DTD1: variants seen among roughly 807,000 people sequenced by gnomAD.
DTD1 encodes the protein D-tyrosyl-tRNA deacylase 1 homolog.
A neutral mutation model predicts 25.6 loss-of-function variants in DTD1; 13 were observed. That is an observed-to-expected ratio of 0.51 (90% CI 0.33 to 0.81). The LOEUF (loss-of-function observed/expected upper bound fraction) is 0.81. DTD1 is among the 30% of genes least tolerant of loss of function. The pLI is 0.02. For synonymous variants in DTD1, 110 were observed against 103.6 expected, an observed-to-expected ratio of 1.06 and a Z score of -0.37; for missense variants, 193 against 266.4, an observed-to-expected ratio of 0.72 and a Z score of 1.92.
At chr20:18,590,866 G>A (rs1482414955) in intron 1 of DTD1, among the ~76,000 whole-genome samples, 1 of 152,186 alleles carries the variant, frequency 6.6e-6, no homozygotes, top group Non-Finnish European at 1.5e-5. Flanking sequence ...TTAACAGACG[G>A]AATAGGGCAA....
chr20:18,677,121 T>G (rs980027811), intron 4 of DTD1, among the ~76,000 whole-genome samples: 1 of 152,222 alleles, frequency 6.6e-6, no homozygotes, highest in Non-Finnish European at 1.5e-5. Flanking sequence ...AAATATTTTC[T>G]TATTTGACGC....
chr20:18,682,704 C>G, intron 4 of DTD1, among the ~76,000 whole-genome samples: 1 of 152,194 alleles, frequency 6.6e-6, no homozygotes, highest in East Asian at 1.9e-4. Flanking sequence ...GCTCCCTTGT[C>G]TATTTATTTT....
intron 4 of DTD1, among the ~76,000 whole-genome samples, chr20:18,667,973 G>A (rs1180634285): frequency 2.0e-5 from 3 of 152,166 alleles, no homozygotes; most frequent in African/African-American, 7.2e-5. Context: ...AAGGTGCCCA[G>A]GGCAGTCGTT....
chr20:18,743,831 C>G (rs539195245), intron 4 of DTD1, among the ~76,000 whole-genome samples: 1 of 152,092 alleles, frequency 6.6e-6, no homozygotes, highest in Admixed American at 6.6e-5. Context: ...GTGGCATGAC[C>G]GCTCCCTCAT....
intron 4 of DTD1, among the ~76,000 whole-genome samples, chr20:18,658,570 T>C (rs1370573262): frequency 6.6e-6 from 1 of 152,244 alleles, no homozygotes; most frequent in East Asian, 1.9e-4. Flanking sequence ...GAAGTCATTG[T>C]GCTAGCCAGT....
chr20:18,752,773 T>G (rs2061325641), intron 5 of DTD1, among the ~76,000 whole-genome samples: 1 of 152,222 alleles, frequency 6.6e-6, no homozygotes, highest in African/African-American at 2.4e-5. Context: ...TAATATCTAT[T>G]CAAATATTTT....
At chr20:18,663,855 A>C (rs1447584570) in intron 4 of DTD1, among the ~76,000 whole-genome samples, 1 of 152,216 alleles carries the variant, frequency 6.6e-6, no homozygotes, top group East Asian at 1.9e-4. Context: ...ATCAGATATC[A>C]TGAGAACTCA....
chr20:18,736,770 TG>T (rs2122511628), intron 4 of DTD1, among the ~76,000 whole-genome samples: 1 of 152,368 alleles, frequency 6.6e-6, no homozygotes, highest in Non-Finnish European at 1.5e-5. Flanking sequence ...CTATGCCCTC[TG>T]AGTGCTGGTG....
intron 3 of DTD1, among the ~76,000 whole-genome samples, chr20:18,619,471 C>G (rs11906641): frequency 6.6e-6 from 1 of 152,082 alleles, no homozygotes; most frequent in African/African-American, 2.4e-5. Context: ...GTTGTCCAGG[C>G]TGGAATGCAG....
chr20:18,671,671 A>G (rs1260712399), intron 4 of DTD1, among the ~76,000 whole-genome samples: 2 of 152,246 alleles, frequency 1.3e-5, no homozygotes, highest in Non-Finnish European at 2.9e-5. Flanking sequence ...TGGCATGACT[A>G]TATTTGCTTA....
intron 4 of DTD1, among the ~76,000 whole-genome samples, chr20:18,714,092 C>T (rs1309623429): frequency 6.6e-6 from 1 of 152,204 alleles, no homozygotes; most frequent in Non-Finnish European, 1.5e-5. Context: ...GAGGCCTACC[C>T]ACCCTTCCTC....
chr20:18,595,625 C>A (rs984358566), intron 2 of DTD1, among the ~76,000 whole-genome samples: 2 of 152,164 alleles, frequency 1.3e-5, no homozygotes, highest in Non-Finnish European at 2.9e-5. Context: ...TGTCATTTAT[C>A]CTAACATGAT....
At chr20:18,653,742 A>G (rs2060882228) in intron 4 of DTD1, among the ~76,000 whole-genome samples, 1 of 152,248 alleles carries the variant, frequency 6.6e-6, no homozygotes, top group African/African-American at 2.4e-5. Flanking sequence ...TGTTTTGGAA[A>G]TGTATAATTC....
In DTD1 at chr20:18,617,733, AAATGT is replaced by A. The variant is rs1453065375; in HGVS notation, c.371-10393_371-10389del. ...TTTTTCTATCCATCTATCCATTTGC[AAATGT>A]GAGCAAATATGAATTTTAAAAATAT... On this transcript the variant is annotated intron_variant, in intron 3 of 5. Transcript: ENST00000377452. Among the ~76,000 whole-genome samples the A allele has an allele frequency of 6.8e-3, 1,033 of 152,242 alleles. 9 individuals carry two copies. The highest frequency in any genetic ancestry group is 0.031 in the Middle Eastern group (9 of 294).
intron 4 of DTD1, among the ~76,000 whole-genome samples, chr20:18,637,656 T>A (rs935984356): frequency 2.6e-5 from 4 of 152,190 alleles, no homozygotes; most frequent in Non-Finnish European, 5.9e-5. Flanking sequence ...CATCTTAGCC[T>A]CTGCATGGAA....
intron 4 of DTD1, chr20:18,630,907 C>A: frequency 4.7e-6 from 1 of 210,970 alleles, no homozygotes; most frequent in Non-Finnish European, 8.2e-6. Context: ...GGAAATAGCA[C>A]AGAAGTGATC....
At chr20:18,602,869 A>G (rs1021085266) in intron 3 of DTD1, among the ~76,000 whole-genome samples, 1 of 112,958 alleles carries the variant, frequency 8.9e-6, no homozygotes, top group African/African-American at 3.2e-5. Context: ...GCATCAACTA[A>G]TGAGCAAAAT....
At chr20:18,673,860 T>C (rs1314598886) in intron 4 of DTD1, among the ~76,000 whole-genome samples, 1 of 152,128 alleles carries the variant, frequency 6.6e-6, no homozygotes, top group Non-Finnish European at 1.5e-5. Flanking sequence ...GTATCCATTT[T>C]AGAGAAAAAT....
At chr20:18,743,427 C>T (rs190056229) in intron 4 of DTD1, among the ~76,000 whole-genome samples, 3 of 152,244 alleles carry the variant, frequency 2.0e-5, no homozygotes, top group African/African-American at 7.2e-5. Flanking sequence ...GGCATGGTGG[C>T]TCACACCTGT....
Sources: gnomAD v4.1 joint callset for allele counts (sites outside exome capture counted in the v4.1 genomes callset) on GRCh38, gnomAD v4.1.1 for gene constraint, MANE v1.5 for transcripts, NCBI Gene and HGNC (gene_info 2026-07-23, HGNC 2026-07-21) for gene names.